The following ADGRB3 variants were observed in gnomAD, a reference collection of about 807,000 sequenced individuals.
ADGRB3 encodes brain-specific angiogenesis inhibitor 3.
A neutral mutation model predicts 193.4 loss-of-function variants in ADGRB3; 37 were observed. That is an observed-to-expected ratio of 0.19 (90% CI 0.15 to 0.25). The LOEUF (loss-of-function observed/expected upper bound fraction) is 0.25. ADGRB3 is among the 10% of genes least tolerant of loss of function. The pLI is 1.00. For synonymous variants in ADGRB3, 690 were observed against 644.2 expected, an observed-to-expected ratio of 1.07 and a Z score of -1.08; for missense variants, 1,637 against 1,852.9, an observed-to-expected ratio of 0.88 and a Z score of 2.14.
intron 17 of ADGRB3, among the ~76,000 whole-genome samples, chr6:69,188,032 T>C (rs1765105114): frequency 6.6e-6 from 1 of 152,222 alleles, no homozygotes; most frequent in Non-Finnish European, 1.5e-5. Flanking sequence ...AGAAATCATG[T>C]TAAGATTTCT....
At chr6:69,219,535 A>ATG (rs1204178828) in intron 17 of ADGRB3, among the ~76,000 whole-genome samples, 1 of 147,302 alleles carries the variant, frequency 6.8e-6, no homozygotes, top group African/African-American at 2.5e-5. Context: ...GTACATATAT[A>ATG]CATGTGTATA....
intron 20 of ADGRB3, among the ~76,000 whole-genome samples, chr6:69,311,460 C>T (rs1187093421): frequency 6.6e-6 from 1 of 151,740 alleles, no homozygotes; most frequent in Non-Finnish European, 1.5e-5. Context: ...CTAACAGAGG[C>T]TTCAATGCTT....
At chr6:69,065,508 G>A (rs1771874433) in intron 16 of ADGRB3, among the ~76,000 whole-genome samples, 1 of 151,952 alleles carries the variant, frequency 6.6e-6, no homozygotes, top group African/African-American at 2.4e-5. Context: ...GCTAAAATTA[G>A]ATTTTGTGAA....
At chr6:68,961,267 G>A (rs868302694) in intron 8 of ADGRB3, among the ~76,000 whole-genome samples, 5 of 152,156 alleles carry the variant, frequency 3.3e-5, no homozygotes, top group South Asian at 2.1e-4. Context: ...CCTCTACCAC[G>A]AAGAGCAGGA....
Position 68,981,981 on chromosome 6 carries a change from G to C in ADGRB3, c.1734+6641G>C, listed in dbSNP as rs556287921. On this transcript the variant is annotated intron_variant, in intron 10 of 31. Transcript: ENST00000370598. ...CAACCTCTGCCTCCCAGGTTCAAGC[G>C]ATCAAGCGATTCTCCTGCCTCAGCC... is the stretch of plus-strand genomic sequence containing the variant. Among the ~76,000 whole-genome samples the C allele has an allele frequency of 6.6e-5, 10 of 151,766 alleles. No homozygotes were observed. In the East Asian group the frequency reaches 1.2e-3, roughly 18 times the overall value.
chr6:69,194,213 A>G (rs1369429182), intron 17 of ADGRB3, among the ~76,000 whole-genome samples: 1 of 152,126 alleles, frequency 6.6e-6, no homozygotes, highest in African/African-American at 2.4e-5. Context: ...TACCCAAAAT[A>G]AAAAAGCACT....
At chr6:69,010,007 C>A (rs923428594) in intron 11 of ADGRB3, among the ~76,000 whole-genome samples, 1 of 152,046 alleles carries the variant, frequency 6.6e-6, no homozygotes, top group African/African-American at 2.4e-5. Flanking sequence ...TTATTGCTTT[C>A]CATAAAATAA....
At chr6:68,696,053 C>T (rs1765152115) in intron 3 of ADGRB3, among the ~76,000 whole-genome samples, 1 of 151,996 alleles carries the variant, frequency 6.6e-6, no homozygotes, top group Non-Finnish European at 1.5e-5. Context: ...TCCCCTTCCT[C>T]CTCTCTGAAG....
intron 3 of ADGRB3, among the ~76,000 whole-genome samples, chr6:68,869,574 C>G (rs576537288): frequency 1.7e-4 from 26 of 152,076 alleles, no homozygotes; most frequent in Admixed American, 5.9e-4. Context: ...TTAGTTAATT[C>G]AAATCATAAA....
chr6:68,906,074 T>C (rs932525884), intron 3 of ADGRB3, among the ~76,000 whole-genome samples: 6 of 151,966 alleles, frequency 3.9e-5, no homozygotes, highest in Non-Finnish European at 7.4e-5. Context: ...ATACCACAAG[T>C]TTCTTTTTTT....
chr6:69,226,995 G>A lies in ADGRB3; in HGVS notation c.2481-6295G>A, dbSNP rs7769767. 0.023 allele frequency among the ~76,000 whole-genome samples: 3,513 copies of A among 152,214 alleles called. 297 individuals carry two copies. The East Asian group carries it at 0.29, about 12-fold the overall frequency. ...ACATATATCCAGATTCAGAGGAGGA[G>A]GTAATAGACTCCGTCTCTTGATGGG... On this transcript the variant is annotated intron_variant, in intron 17 of 31. Transcript: ENST00000370598.
chr6:69,024,432 G>A (rs1448717638), intron 13 of ADGRB3, among the ~76,000 whole-genome samples: 1 of 152,072 alleles, frequency 6.6e-6, no homozygotes, highest in Non-Finnish European at 1.5e-5. Flanking sequence ...GGTTTCAATG[G>A]ATTACACCCA....
intron 20 of ADGRB3, among the ~76,000 whole-genome samples, chr6:69,315,014 G>T (rs1450400390): frequency 6.6e-6 from 1 of 151,362 alleles, no homozygotes; most frequent in Non-Finnish European, 1.5e-5. Flanking sequence ...GCATTTCTCT[G>T]TTTTAGTTGG....
At chr6:69,327,761 G>A in intron 21 of ADGRB3, 59 bp from the exon 22 acceptor site, 4 of 1,447,064 alleles carry the variant, frequency 2.8e-6, no homozygotes, top group Non-Finnish European at 3.8e-6. Flanking sequence ...GCTTTTCTTA[G>A]ACCAGTATGC....
intron 24 of ADGRB3, among the ~76,000 whole-genome samples, chr6:69,337,317 T>C (rs1768872955): frequency 6.6e-6 from 1 of 152,164 alleles, no homozygotes; most frequent in Non-Finnish European, 1.5e-5. Context: ...CATATTAATC[T>C]GATCAGATTT....
intron 20 of ADGRB3, among the ~76,000 whole-genome samples, chr6:69,290,023 G>C (rs1442990661): frequency 1.3e-5 from 2 of 151,994 alleles, no homozygotes; most frequent in Non-Finnish European, 2.9e-5. Flanking sequence ...GGTTACTGAT[G>C]CACACACACC....
intron 28 of ADGRB3, among the ~76,000 whole-genome samples, chr6:69,359,218 AT>A (rs561160032): frequency 6.6e-6 from 1 of 151,320 alleles, no homozygotes; most frequent in East Asian, 1.9e-4. Flanking sequence ...GAATTTGGAG[AT>A]TTTTTTTAAG....
At chr6:68,780,593 C>G (rs1172334917) in intron 3 of ADGRB3, among the ~76,000 whole-genome samples, 1 of 152,052 alleles carries the variant, frequency 6.6e-6, no homozygotes, top group Admixed American at 6.6e-5. Flanking sequence ...TGTAAGAACT[C>G]CATTTTCAGT....
chr6:68,702,310 G>A (rs1765254802), intron 3 of ADGRB3, among the ~76,000 whole-genome samples: 2 of 152,150 alleles, frequency 1.3e-5, no homozygotes, highest in South Asian at 4.2e-4. Context: ...GCACCAAGGG[G>A]ATGGTACTAA....
Sources: gnomAD v4.1 joint callset for allele counts (sites outside exome capture counted in the v4.1 genomes callset) on GRCh38, gnomAD v4.1.1 for gene constraint, MANE v1.5 for transcripts, NCBI Gene and HGNC (gene_info 2026-07-23, HGNC 2026-07-21) for gene names.